GNAQ: variants seen among roughly 807,000 people sequenced by gnomAD.
GNAQ encodes G protein subunit alpha q.
In GNAQ, 8 loss-of-function variants were observed where a neutral mutation model predicts 43.9. The ratio of observed to expected loss-of-function variants is 0.18; its 90% confidence interval spans 0.11 to 0.33. The LOEUF is 0.33. Among genes scored for constraint, GNAQ ranks in the 10% least tolerant of loss-of-function variants. GNAQ has a pLI of 1.00. For missense variants in GNAQ, 158 were observed against 450.8 expected, an observed-to-expected ratio of 0.35 and a Z score of 5.88; for synonymous variants, 155 against 170.7, an observed-to-expected ratio of 0.91 and a Z score of 0.71.
At chr9:77,782,157 T>C (rs757767429) in intron 5 of GNAQ, among the ~76,000 whole-genome samples, 12 of 152,020 alleles carry the variant, frequency 7.9e-5, no homozygotes, top group Non-Finnish European at 1.6e-4. Context: ...TGTGCACATG[T>C]ACCCTAAAAC....
At chr9:77,841,108 C>A (rs1416370136) in intron 2 of GNAQ, among the ~76,000 whole-genome samples, 1 of 152,084 alleles carries the variant, frequency 6.6e-6, no homozygotes, top group East Asian at 1.9e-4. Flanking sequence ...AACAAAAAAA[C>A]CCCAGCCCAA....
intron 5 of GNAQ, among the ~76,000 whole-genome samples, chr9:77,766,196 A>C (rs1826134194): frequency 6.6e-6 from 1 of 152,220 alleles, no homozygotes; most frequent in Non-Finnish European, 1.5e-5. Context: ...ATCTAACACA[A>C]AAATTAAATA....
At chr9:78,013,906 G>A (rs1823805277) in intron 1 of GNAQ, among the ~76,000 whole-genome samples, 1 of 152,110 alleles carries the variant, frequency 6.6e-6, no homozygotes, top group African/African-American at 2.4e-5. Context: ...AGCCAAAAAT[G>A]TTTACTATCT....
At chr9:77,817,148 A>ACG (rs1263400011) in intron 2 of GNAQ, among the ~76,000 whole-genome samples, 7 of 152,126 alleles carry the variant, frequency 4.6e-5, no homozygotes, top group Admixed American at 2.0e-4. Flanking sequence ...CCTGAATCCC[A>ACG]CGCCAGGTGG....
At chr9:77,863,886 C>T (rs189502159) in intron 2 of GNAQ, among the ~76,000 whole-genome samples, 1 of 152,144 alleles carries the variant, frequency 6.6e-6, no homozygotes, top group Non-Finnish European at 1.5e-5. Context: ...AAGGGAAAGA[C>T]CTGCCGCCAT....
chr9:77,970,232 A>C (rs10747026), intron 1 of GNAQ, among the ~76,000 whole-genome samples: 92,471 of 149,260 alleles, frequency 0.62, 29,440 homozygotes, highest in Middle Eastern at 0.71. Context: ...CAAAAAAAAA[A>C]AAACAAACAA....
intron 2 of GNAQ, among the ~76,000 whole-genome samples, chr9:77,822,505 T>C (rs954161789): frequency 6.6e-6 from 1 of 152,118 alleles, no homozygotes; most frequent in African/African-American, 2.4e-5. Flanking sequence ...GAGGAGTATG[T>C]TGCTGCTGGT....
intron 5 of GNAQ, among the ~76,000 whole-genome samples, chr9:77,784,315 T>C (rs1289078179): frequency 6.6e-6 from 1 of 152,178 alleles, no homozygotes; most frequent in Non-Finnish European, 1.5e-5. Flanking sequence ...TTAAGATAAA[T>C]GTGTACCTTA....
intron 1 of GNAQ, among the ~76,000 whole-genome samples, chr9:77,979,943 C>G (rs573038282): frequency 6.6e-6 from 1 of 152,190 alleles, no homozygotes; most frequent in Non-Finnish European, 1.5e-5. Context: ...TGTTATGAGA[C>G]AGAAAATAGG....
chr9:77,754,349 A>G (rs1825865076), intron 5 of GNAQ, among the ~76,000 whole-genome samples: 1 of 152,238 alleles, frequency 6.6e-6, no homozygotes, highest in Non-Finnish European at 1.5e-5. Flanking sequence ...TAGCATCCCA[A>G]GCATCTAACA....
intron 2 of GNAQ, among the ~76,000 whole-genome samples, chr9:77,875,722 T>C (rs1421732093): frequency 2.0e-5 from 3 of 152,110 alleles, no homozygotes; most frequent in Non-Finnish European, 4.4e-5. Flanking sequence ...ATGCACCCAA[T>C]GGGAATTGCT....
At chr9:77,777,281 C>T (rs1250706709) in intron 5 of GNAQ, among the ~76,000 whole-genome samples, 1 of 151,996 alleles carries the variant, frequency 6.6e-6, no homozygotes, top group Non-Finnish European at 1.5e-5. Flanking sequence ...AGTGCAAATG[C>T]AATATATATT....
At chr9:77,768,107 T>C (rs1826163551) in intron 5 of GNAQ, among the ~76,000 whole-genome samples, 1 of 152,196 alleles carries the variant, frequency 6.6e-6, no homozygotes, top group South Asian at 2.1e-4. Flanking sequence ...GTGATAAAAC[T>C]AAGGCGCTGA....
At chr9:77,829,295 C>T (rs776160149) in intron 2 of GNAQ, among the ~76,000 whole-genome samples, 10 of 152,106 alleles carry the variant, frequency 6.6e-5, no homozygotes, top group Non-Finnish European at 1.3e-4. Context: ...CCCACCAATG[C>T]TATCAATAAT....
At chr9:77,828,273 AT>A (rs986976659) in intron 2 of GNAQ, among the ~76,000 whole-genome samples, 36 of 151,536 alleles carry the variant, frequency 2.4e-4, no homozygotes, top group African/African-American at 4.1e-4. Flanking sequence ...AGCAATTAAA[AT>A]TTTTTTTTGT....
At chr9:77,758,744 T>C (rs1373556623) in intron 5 of GNAQ, among the ~76,000 whole-genome samples, 1 of 152,200 alleles carries the variant, frequency 6.6e-6, no homozygotes, top group Non-Finnish European at 1.5e-5. Context: ...TGTCAGCACA[T>C]GTAAAGGTAG....
rs111580516 is a variant in GNAQ at position 77,885,397 on chromosome 9, T to C, written c.321+36764A>G. Among the ~76,000 whole-genome samples the C allele has an allele frequency of 7.6e-3, 1,164 of 152,270 alleles. 19 individuals carry two copies. Among genetic ancestry groups the C allele is most frequent in the African/African-American group, 0.027 (1,120 of 41,538 alleles). On this transcript the variant is annotated intron_variant, in intron 2 of 6. Coordinates refer to ENST00000286548, the MANE Select transcript of GNAQ (RefSeq NM_002072.5). ...GAGCTTTGCTGAAAAGTGAGGGTAGTAGGTTTTAATGAACTATTTTCTTTC... is the reference window on the plus strand; with the variant it reads ...GAGCTTTGCTGAAAAGTGAGGGTAGCAGGTTTTAATGAACTATTTTCTTTC...
At chr9:78,008,595 A>C (rs1183582545) in intron 1 of GNAQ, among the ~76,000 whole-genome samples, 1 of 151,256 alleles carries the variant, frequency 6.6e-6, no homozygotes, top group African/African-American at 2.5e-5. Flanking sequence ...ATTTCATTTC[A>C]TTTCATTTCA....
intron 5 of GNAQ, among the ~76,000 whole-genome samples, chr9:77,787,631 T>C (rs1003668040): frequency 2.2e-4 from 34 of 152,188 alleles, no homozygotes; most frequent in Middle Eastern, 6.8e-3. Context: ...TACTAGAAAA[T>C]AAGAGATTAT....
Sources: gnomAD v4.1 joint callset for allele counts (sites outside exome capture counted in the v4.1 genomes callset) on GRCh38, gnomAD v4.1.1 for gene constraint, MANE v1.5 for transcripts, NCBI Gene and HGNC (gene_info 2026-07-23, HGNC 2026-07-21) for gene names.